Variants in TIAM1 observed in about 807,000 individuals in gnomAD.
TIAM1 encodes the protein rho guanine nucleotide exchange factor TIAM1.
Under a neutral mutation model 163.5 loss-of-function variants are expected in TIAM1, and 65 were observed. The observed-to-expected ratio is 0.40, with a 90% CI of 0.33 to 0.49. The LOEUF is 0.49. Ranked by LOEUF, TIAM1 falls within the 20% of genes least tolerant of loss-of-function variation. The pLI, the probability that TIAM1 is intolerant of heterozygous loss-of-function variation, is 0.77. For missense variants in TIAM1, 1,789 were observed against 2,044.7 expected (o/e 0.87, Z 2.41); for synonymous variants, 833 against 810.1 (o/e 1.03, Z -0.48).
intron 2 of TIAM1, among the ~76,000 whole-genome samples, chr21:31,304,397 T>C (rs1029876255): frequency 6.6e-6 from 1 of 152,174 alleles, no homozygotes; most frequent in Non-Finnish European, 1.5e-5. Flanking sequence ...ACAGATTAAA[T>C]CCCAGTCTGA....
chr21:31,507,838 T>C (rs1289502295), intron 1 of TIAM1, among the ~76,000 whole-genome samples: 1 of 152,090 alleles, frequency 6.6e-6, no homozygotes, highest in Non-Finnish European at 1.5e-5. Context: ...GGGGTGGGTG[T>C]GTGCTGTGGG....
chr21:31,286,541 G>A (rs1289687250), intron 2 of TIAM1, among the ~76,000 whole-genome samples: 2 of 151,558 alleles, frequency 1.3e-5, no homozygotes, highest in African/African-American at 2.4e-5. Flanking sequence ...GACATCATCT[G>A]TAAAAGCAAT....
At chr21:31,196,459 T>C (rs1434178007) in intron 12 of TIAM1, among the ~76,000 whole-genome samples, 3 of 150,592 alleles carry the variant, frequency 2.0e-5, no homozygotes, top group Admixed American at 2.0e-4. Context: ...TTACAGGCGT[T>C]TGCTACCACA....
chr21:31,132,555 C>T (rs2082453262), intron 23 of TIAM1, among the ~76,000 whole-genome samples: 1 of 152,128 alleles, frequency 6.6e-6, no homozygotes, highest in African/African-American at 2.4e-5. Flanking sequence ...AAGAGCTCTA[C>T]CCCAATGACT....
chr21:31,179,077 T>C (rs918413619), intron 15 of TIAM1, among the ~76,000 whole-genome samples: 1 of 151,226 alleles, frequency 6.6e-6, no homozygotes, highest in Non-Finnish European at 1.5e-5. Flanking sequence ...ATTGTAAAAC[T>C]ACAAAATTTT....
chr21:31,194,232 C>T (rs1429381575), intron 13 of TIAM1, among the ~76,000 whole-genome samples: 3 of 152,084 alleles, frequency 2.0e-5, no homozygotes, highest in East Asian at 3.9e-4. Context: ...GGGTATTTAC[C>T]CAAGACAACG....
intron 1 of TIAM1, among the ~76,000 whole-genome samples, chr21:31,536,712 G>A (rs1414009780): frequency 6.6e-6 from 1 of 152,208 alleles, no homozygotes; most frequent in Non-Finnish European, 1.5e-5. Context: ...CAGGGCATGG[G>A]CACGAGCCCT....
rs1368711270 is a variant in TIAM1 at position 31,266,773 on chromosome 21, G to C, written c.200C>G (p.Ser67Cys). The C allele has an allele frequency of 5.0e-6, 8 of 1,614,088 alleles. No homozygotes were observed. The highest frequency in any genetic ancestry group is 2.5e-6 in the Non-Finnish European group (3 of 1,180,050). Residue 67 changes from serine to cysteine, a missense_variant, in exon 4 of 28, where the codon TCC becomes TGC. Ser to Cys is a moderately radical substitution (Grantham distance 112). This residue lies in a region of TIAM1 where 555 missense variants were observed against 564.9 expected (regional missense o/e 0.98). Coordinates refer to ENST00000541036, the MANE Select transcript of TIAM1 (RefSeq NM_001353694.2). ...RSSSTPSIPQ[S>C]LAENGLEPFS... ...GGGCTCCAGGCCATTTTCAGCCAGG[G>C]ACTGGGGGATGCTGGGGGTGCTGCT...
intron 2 of TIAM1, among the ~76,000 whole-genome samples, chr21:31,414,123 C>A (rs182535164): frequency 6.6e-6 from 1 of 152,198 alleles, no homozygotes; most frequent in South Asian, 2.1e-4. Flanking sequence ...TCTGAAAGCA[C>A]AAGAGAGAGA....
intron 2 of TIAM1, among the ~76,000 whole-genome samples, chr21:31,298,735 GGTGTGTGTGTGT>G (rs147701527): frequency 1.4e-5 from 2 of 138,482 alleles, no homozygotes; most frequent in Non-Finnish European, 3.1e-5. Flanking sequence ...TCCAATTGAG[GGTGTGTGTGTGT>G]GTGTGTGTGT....
At chr21:31,488,559 A>G (rs2046351261) in intron 1 of TIAM1, among the ~76,000 whole-genome samples, 1 of 152,228 alleles carries the variant, frequency 6.6e-6, no homozygotes, top group Admixed American at 6.5e-5. Context: ...TCAGTTCCAC[A>G]TGGCTGGGGA....
chr21:31,130,234 C>G lies in TIAM1; in HGVS notation c.4024G>C (p.Val1342Leu), dbSNP rs770824858. Residue 1342 changes from valine to leucine, a missense_variant, in exon 25 of 28, where the codon GTT becomes CTT. Physicochemically the swap from Val to Leu is conservative, Grantham distance 32 (BLOSUM62 1). Around this residue, in one of 5 missense-constraint regions of TIAM1, gnomAD observed 415 missense variants for 439.2 expected, o/e 0.94. Transcript: ENST00000541036. ...RHMIPTEALQ[V>L]RALASADAEA... Reference sequence around the variant, plus strand: ...TTACCTGCACTCGCCAAAGCTCGAACCTGCAGCGCTTCCGTGGGGATCATG... The same window carrying G: ...TTACCTGCACTCGCCAAAGCTCGAAGCTGCAGCGCTTCCGTGGGGATCATG... 2 of 1,614,102 alleles carry G rather than the reference C, an allele frequency of 1.2e-6. No homozygotes were observed. The highest frequency in any genetic ancestry group is 2.2e-5 in the South Asian group (2 of 91,080).
At chr21:31,234,780 TC>T (rs1431733781) in intron 6 of TIAM1, among the ~76,000 whole-genome samples, 5 of 1,166 alleles carry the variant, frequency 4.3e-3, no homozygotes, top group Non-Finnish European at 0.01. Context: ...AGACCCTGTC[TC>T]CAAAAAAAAA....
At chr21:31,223,701 A>T in intron 7 of TIAM1, 110 bp from the exon 8 acceptor site, 1 of 1,155,620 alleles carries the variant, frequency 8.7e-7, no homozygotes, top group Non-Finnish European at 1.2e-6. Flanking sequence ...TTATAATCCT[A>T]AGGAATAAAC....
intron 1 of TIAM1, among the ~76,000 whole-genome samples, chr21:31,489,494 A>AGAGG (rs1325891462): frequency 4.7e-5 from 5 of 105,458 alleles, no homozygotes; most frequent in African/African-American, 1.2e-4. Context: ...AGAAAGAGAG[A>AGAGG]GAGGGAGGGA....
intron 2 of TIAM1, among the ~76,000 whole-genome samples, chr21:31,279,986 C>G (rs912948981): frequency 6.6e-6 from 1 of 151,994 alleles, no homozygotes; most frequent in Non-Finnish European, 1.5e-5. Flanking sequence ...CAATCGGCTA[C>G]AGCTCACACA....
chr21:31,457,194 G>C (rs1473194204), intron 2 of TIAM1, among the ~76,000 whole-genome samples: 1 of 152,140 alleles, frequency 6.6e-6, no homozygotes, highest in African/African-American at 2.4e-5. Flanking sequence ...GAGCTCAGAG[G>C]AGGAGGTAGA....
rs997595186 is a variant in TIAM1 at position 31,393,019 on chromosome 21, G to A, written c.-368-53597C>T. Among the ~76,000 whole-genome samples the A allele has an allele frequency of 2.7e-5, 4 of 150,494 alleles. No individual in the cohort carries two copies. In the East Asian group the frequency reaches 5.9e-4, roughly 22 times the overall value. ...TGCCCGGGCTAGAGTGCAGTGGTGCGATGTCAGCTCACAGCAACTTCCCCC... is the reference window on the plus strand; with the variant it reads ...TGCCCGGGCTAGAGTGCAGTGGTGCAATGTCAGCTCACAGCAACTTCCCCC... On this transcript the variant is annotated intron_variant, in intron 2 of 28. Coordinates refer to the TIAM1 transcript ENST00000286827.
chr21:31,520,392 T>TA (rs531182832), intron 1 of TIAM1, among the ~76,000 whole-genome samples: 136 of 151,600 alleles, frequency 9.0e-4, no homozygotes, highest in African/African-American at 2.9e-3. Flanking sequence ...TTTACTGTAA[T>TA]AAAAAAAAGA....
Sources: gnomAD v4.1 joint callset for allele counts (sites outside exome capture counted in the v4.1 genomes callset) on GRCh38, gnomAD v4.1.1 for gene constraint, gnomAD v4.1.1 regional missense constraint, MANE v1.5 for transcripts, NCBI Gene and HGNC (gene_info 2026-07-23, HGNC 2026-07-21) for gene names.